The following TP63 variants were observed in gnomAD, a reference collection of about 807,000 sequenced individuals.
TP63 encodes the protein tumor protein p63.
Under a neutral mutation model 82.8 loss-of-function variants are expected in TP63, and 17 were observed. That is an observed-to-expected ratio of 0.21 (90% CI 0.14 to 0.31). The LOEUF (loss-of-function observed/expected upper bound fraction) is 0.31, where lower values mean the gene tolerates loss of function less well. Among genes scored for constraint, TP63 ranks in the 10% least tolerant of loss-of-function variants. The pLI is 1.00. For missense variants in TP63, 648 were observed against 895.3 expected, an observed-to-expected ratio of 0.72 and a Z score of 3.52; for synonymous variants, 330 against 321.7, an observed-to-expected ratio of 1.03 and a Z score of -0.28.
At chr3:189,666,912 G>C (rs1295460503) in intron 1 of TP63, among the ~76,000 whole-genome samples, 1 of 151,268 alleles carries the variant, frequency 6.6e-6, no homozygotes, top group African/African-American at 2.4e-5. Context: ...ATTTTTAAAT[G>C]ACAGTAGAGG....
intron 1 of TP63, among the ~76,000 whole-genome samples, chr3:189,724,245 TTC>T (rs1345367989): frequency 2.6e-5 from 4 of 152,214 alleles, no homozygotes; most frequent in African/African-American, 9.6e-5. Context: ...TAAATGTATC[TTC>T]AAGGTTCTAT....
At chr3:189,790,822 A>G (rs1725057196) in intron 3 of TP63, among the ~76,000 whole-genome samples, 1 of 152,112 alleles carries the variant, frequency 6.6e-6, no homozygotes, top group East Asian at 1.9e-4. Flanking sequence ...CTCCTTAAAA[A>G]TCAAAACAAA....
intron 10 of TP63, chr3:189,881,028 T>A (rs1208258018): frequency 2.0e-6 from 2 of 985,266 alleles, no homozygotes; most frequent in African/African-American, 3.5e-5. Flanking sequence ...CTTACGTAGT[T>A]GTTTACCATT....
chr3:189,824,494 A>G (rs1729129837), intron 4 of TP63, among the ~76,000 whole-genome samples: 1 of 152,038 alleles, frequency 6.6e-6, no homozygotes, highest in African/African-American at 2.4e-5. Flanking sequence ...CAGCCTCCCA[A>G]AGTGCTGGGA....
intron 3 of TP63, among the ~76,000 whole-genome samples, chr3:189,788,567 T>C (rs186117801): frequency 6.1e-4 from 93 of 151,766 alleles, no homozygotes; most frequent in African/African-American, 2.1e-3. Context: ...TAGAGGAAAT[T>C]GGGTCCCTGA....
chr3:189,865,161 AG>A, intron 5 of TP63, among the ~76,000 whole-genome samples: 1 of 152,182 alleles, frequency 6.6e-6, no homozygotes, highest in East Asian at 1.9e-4. Flanking sequence ...GGTAAGAGAA[AG>A]GAGCACCAAA....
chr3:189,643,441 T>A (rs758723809), intron 1 of TP63, among the ~76,000 whole-genome samples: 2 of 127,192 alleles, frequency 1.6e-5, no homozygotes, highest in Non-Finnish European at 3.6e-5. Flanking sequence ...TCAAAAGCTA[T>A]CCTTTAAACT....
chr3:189,871,971 T>C (rs752281810), intron 9 of TP63, among the ~76,000 whole-genome samples: 4 of 152,154 alleles, frequency 2.6e-5, no homozygotes, highest in Non-Finnish European at 5.9e-5. Context: ...CCCTCCCAAA[T>C]TGCCGGGATT....
chr3:189,658,120 A>T (rs1713552140), intron 1 of TP63, among the ~76,000 whole-genome samples: 1 of 152,048 alleles, frequency 6.6e-6, no homozygotes, highest in African/African-American at 2.4e-5. Context: ...AAACATAATA[A>T]CGGGGATATG....
In TP63 at chr3:189,767,265, A is replaced by C. The variant is rs1723023564; in HGVS notation, c.324+28491A>C. Among the ~76,000 whole-genome samples the C allele has an allele frequency of 2.0e-5, 3 of 152,086 alleles. No homozygotes were observed. In the South Asian group the frequency reaches 6.2e-4, roughly 31 times the overall value. On this transcript the variant is annotated intron_variant, in intron 3 of 13. Transcript: ENST00000264731. Reference sequence around the variant, plus strand: ...TTTATTTTATTTGAACCAGTTTCTCATCCAGCAGTTCTACATGAAAGAAAA... The same window carrying C: ...TTTATTTTATTTGAACCAGTTTCTCCTCCAGCAGTTCTACATGAAAGAAAA...
chr3:189,814,361 C>T (rs1317322935), intron 4 of TP63, among the ~76,000 whole-genome samples: 2 of 152,172 alleles, frequency 1.3e-5, no homozygotes, highest in Non-Finnish European at 2.9e-5. Context: ...GTCTGAGTCT[C>T]ATCTGGGGCT....
intron 4 of TP63, among the ~76,000 whole-genome samples, chr3:189,823,669 C>A (rs1252583658): frequency 2.0e-5 from 3 of 152,176 alleles, no homozygotes; most frequent in African/African-American, 7.2e-5. Context: ...GGCTTGGCTG[C>A]CATTCTCTAG....
At chr3:189,610,218 G>A in the TP63 span, among the ~76,000 whole-genome samples, 4 of 151,876 alleles carry the variant, frequency 2.6e-5, no homozygotes, top group Non-Finnish European at 5.9e-5. Flanking sequence ...CTTTTTAATG[G>A]GGTTGTTTGT....
upstream of TP63, among the ~76,000 whole-genome samples, chr3:189,627,735 A>T (rs536769638): frequency 3.3e-5 from 5 of 152,204 alleles, no homozygotes; most frequent in East Asian, 9.7e-4. Flanking sequence ...GCCAGGGGTG[A>T]GGGGAGATCG....
intron 1 of TP63, among the ~76,000 whole-genome samples, chr3:189,726,738 T>C (rs1381072241): frequency 1.3e-5 from 2 of 152,220 alleles, no homozygotes; most frequent in Non-Finnish European, 2.9e-5. Context: ...ATGACAAATA[T>C]TAGCCCAGTG....
intron 1 of TP63, among the ~76,000 whole-genome samples, chr3:189,674,256 T>G (rs1715190953): frequency 6.6e-6 from 1 of 152,140 alleles, no homozygotes; most frequent in African/African-American, 2.4e-5. Context: ...CCAGGACTTC[T>G]TATTGGGACC....
At chr3:189,622,212 T>A in the TP63 span, among the ~76,000 whole-genome samples, 1 of 152,226 alleles carries the variant, frequency 6.6e-6, no homozygotes, top group African/African-American at 2.4e-5. Context: ...TGGGCTGGCA[T>A]TCGCAGGGCT....
At chr3:189,737,398 A>C (rs375927950) in intron 1 of TP63, among the ~76,000 whole-genome samples, 2 of 152,190 alleles carry the variant, frequency 1.3e-5, no homozygotes, top group African/African-American at 2.4e-5. Flanking sequence ...CTTGCTATCA[A>C]ATTTAATGAG....
Position 189,889,406 on chromosome 3 carries a change from T to A in TP63, c.1574T>A (p.Leu525His). The A allele has an allele frequency of 6.2e-7, 1 of 1,613,544 alleles. No individual in the cohort carries two copies. The highest frequency in any genetic ancestry group is 2.2e-5 in the East Asian group (1 of 44,810). Residue 525 changes from leucine (L) to histidine (H), a missense_variant, in exon 12 of 14, where the codon CTC becomes CAC. Physicochemically the swap from Leu to His is moderately conservative, Grantham distance 99. This residue lies in a region of TP63 where 342 missense variants were observed against 425.7 expected (regional missense o/e 0.80). Coordinates refer to ENST00000264731, the MANE Select transcript of TP63 (RefSeq NM_003722.5). Reference protein sequence around the residue: ...DMNGLSPTQALPPPLSMPSTS... With the variant: ...DMNGLSPTQAHPPPLSMPSTS... ...AATGGACTCAGCCCCACCCAGGCAC[T>A]CCCTCCCCCACTCTCCATGCCATCC...
Sources: allele counts gnomAD v4.1 joint callset (sites outside exome capture counted in the v4.1 genomes callset), GRCh38; gene constraint gnomAD v4.1.1; regional missense constraint gnomAD v4.1.1; transcripts MANE v1.5; gene names NCBI Gene and HGNC (gene_info 2026-07-23, HGNC 2026-07-21).